The following ZBTB7C variants were observed in gnomAD, a reference collection of about 807,000 sequenced individuals.
ZBTB7C encodes zinc finger and BTB domain containing 7C.
Under a neutral mutation model 25.7 loss-of-function variants are expected in ZBTB7C, and 8 were observed. That is an observed-to-expected ratio of 0.31 (90% CI 0.18 to 0.56). The LOEUF (loss-of-function observed/expected upper bound fraction) is 0.56. ZBTB7C is among the 20% of genes least tolerant of loss of function. ZBTB7C has a pLI of 0.91. For missense variants in ZBTB7C, 824 were observed against 855.2 expected, an observed-to-expected ratio of 0.96 and a Z score of 0.46; for synonymous variants, 394 against 369.0, an observed-to-expected ratio of 1.07 and a Z score of -0.78.
chr18:48,066,956 G>C (rs2037353053), intron 3 of ZBTB7C, among the ~76,000 whole-genome samples: 1 of 152,132 alleles, frequency 6.6e-6, no homozygotes, highest in South Asian at 2.1e-4. Flanking sequence ...ACAAAAATTA[G>C]CCGGGCGTGG....
intron 2 of ZBTB7C, among the ~76,000 whole-genome samples, chr18:48,243,473 T>C (rs1944580): frequency 0.062 from 9,418 of 151,962 alleles, 1,177 homozygotes; most frequent in East Asian, 0.48. Flanking sequence ...ACCAAGGAGA[T>C]GAAAGACCTC....
At chr18:48,309,337 T>A (rs2045756318) in intron 2 of ZBTB7C, among the ~76,000 whole-genome samples, 1 of 152,200 alleles carries the variant, frequency 6.6e-6, no homozygotes, top group African/African-American at 2.4e-5. Context: ...CTCCAGCAAT[T>A]TTCAACAGAA....
chr18:48,172,614 G>A (rs972250441), intron 3 of ZBTB7C, among the ~76,000 whole-genome samples: 5 of 152,354 alleles, frequency 3.3e-5, no homozygotes, highest in Admixed American at 2.6e-4. Flanking sequence ...CTTGACTGAC[G>A]TGACCCACGG....
chr18:48,281,007 C>T (rs2044829871), intron 2 of ZBTB7C, among the ~76,000 whole-genome samples: 1 of 152,030 alleles, frequency 6.6e-6, no homozygotes, highest in African/African-American at 2.4e-5. Context: ...GTGCCTGCCA[C>T]CATGCCCAGC....
In ZBTB7C at chr18:48,341,097, C is replaced by G. The variant is rs576493869; in HGVS notation, c.-303-2699G>C. Among the ~76,000 whole-genome samples, 3 of 152,344 alleles carry G rather than the reference C, an allele frequency of 2.0e-5. No individual in the cohort carries two copies. In the South Asian group the frequency reaches 6.2e-4, roughly 32 times the overall value. On this transcript the variant is annotated intron_variant, in intron 1 of 4. Coordinates refer to ENST00000590800, the MANE Select transcript of ZBTB7C (RefSeq NM_001318841.2). ...ATTTTCAGTTCCTTTGGAGCTGGAA[C>G]TGAGTTTCTGTTTGTTTCCTCATTC...
At chr18:48,098,972 G>A (rs1438607533) in intron 3 of ZBTB7C, among the ~76,000 whole-genome samples, 2 of 152,220 alleles carry the variant, frequency 1.3e-5, no homozygotes, top group African/African-American at 4.8e-5. Flanking sequence ...AGTTTGCTGA[G>A]CGGAGGCAGT....
At chr18:48,285,633 T>C (rs755556510) in intron 2 of ZBTB7C, among the ~76,000 whole-genome samples, 41 of 152,336 alleles carry the variant, frequency 2.7e-4, no homozygotes, top group Non-Finnish European at 4.6e-4. Context: ...ATTACAGGCA[T>C]GAGCCATTAT....
At chr18:48,279,517 A>G (rs2044768167) in intron 2 of ZBTB7C, among the ~76,000 whole-genome samples, 1 of 152,234 alleles carries the variant, frequency 6.6e-6, no homozygotes, top group Non-Finnish European at 1.5e-5. Flanking sequence ...CCACCCAAAC[A>G]AAATGAACAC....
intron 2 of ZBTB7C, among the ~76,000 whole-genome samples, chr18:48,290,737 T>C (rs2045202256): frequency 6.6e-6 from 1 of 152,180 alleles, no homozygotes; most frequent in Non-Finnish European, 1.5e-5. Context: ...TTGGGAAGAT[T>C]TGGCTGCCCA....
intron 1 of ZBTB7C, among the ~76,000 whole-genome samples, chr18:48,367,202 T>TATATATATATATATACACACACAC (rs1302394192): frequency 4.7e-5 from 3 of 63,396 alleles, no homozygotes; most frequent in African/African-American, 1.8e-4. Flanking sequence ...TATATATATA[T>TATATATATATATATACACACACAC]ACACACACAC....
At chr18:48,139,114 G>A (rs1188985455) in intron 3 of ZBTB7C, among the ~76,000 whole-genome samples, 1 of 151,966 alleles carries the variant, frequency 6.6e-6, no homozygotes, top group African/African-American at 2.4e-5. Context: ...AGGAGGAGTG[G>A]GGCTGGGCAG....
At chr18:48,156,149 T>C (rs1486028323) in intron 3 of ZBTB7C, among the ~76,000 whole-genome samples, 1 of 151,988 alleles carries the variant, frequency 6.6e-6, no homozygotes, top group Non-Finnish European at 1.5e-5. Context: ...AAGGTAAACA[T>C]ACATAAAAAA....
chr18:48,302,589 T>C (rs1409515227), intron 2 of ZBTB7C, among the ~76,000 whole-genome samples: 3 of 152,340 alleles, frequency 2.0e-5, no homozygotes, highest in South Asian at 2.1e-4. Flanking sequence ...GCATGTTCAA[T>C]AGAGAGCTAG....
chr18:48,040,297 G>A lies in ZBTB7C; in HGVS notation c.811C>T (p.Pro271Ser), dbSNP rs2036166426. ...PGDFGAFAQL[P>S]EQPMDSGPLD... is the part of the protein sequence containing the mutation. ...GGCCCACTGTCCATGGGCTGCTCAG[G>A]CAGCTGGGCAAAGGCACCGAAGTCC... is the stretch of plus-strand genomic sequence containing the variant. The change falls in exon 4 of 5, where the codon CCT becomes TCT. Residue 271 changes from proline (P) to serine (S), a missense_variant. Transcript: ENST00000590800. The A allele has an allele frequency of 6.3e-6, 10 of 1,575,612 alleles. No homozygotes were observed. The highest frequency in any genetic ancestry group is 1.4e-5 in the African/African-American group (1 of 74,018).
chr18:48,063,074 T>TGG (rs2037184471), intron 3 of ZBTB7C, among the ~76,000 whole-genome samples: 1 of 152,202 alleles, frequency 6.6e-6, no homozygotes, highest in South Asian at 2.1e-4. Context: ...TTACCCTCCC[T>TGG]CCTTCCCACC....
At chr18:48,298,696 G>C (rs1598813814) in intron 2 of ZBTB7C, among the ~76,000 whole-genome samples, 1 of 152,188 alleles carries the variant, frequency 6.6e-6, no homozygotes, top group Non-Finnish European at 1.5e-5. Context: ...CCAGCAGGCT[G>C]ACCCACCGGA....
At chr18:48,324,359 A>T (rs7245181) in intron 2 of ZBTB7C, among the ~76,000 whole-genome samples, 53,124 of 151,930 alleles carry the variant, frequency 0.35, 10,064 homozygotes, top group East Asian at 0.73. Context: ...GAGTACTATG[A>T]GCTGAGCCAG....
chr18:48,263,233 C>T (rs777268193), intron 2 of ZBTB7C, among the ~76,000 whole-genome samples: 7 of 152,238 alleles, frequency 4.6e-5, no homozygotes, highest in Non-Finnish European at 8.8e-5. Context: ...CCATCCCCCA[C>T]ACTCTGACTG....
At chr18:48,264,657 G>A (rs1367431815) in intron 2 of ZBTB7C, among the ~76,000 whole-genome samples, 1 of 151,578 alleles carries the variant, frequency 6.6e-6, no homozygotes, top group Non-Finnish European at 1.5e-5. Flanking sequence ...CATGGCAACA[G>A]CCTCCTTGAC....
Sources: gnomAD v4.1 joint callset for allele counts (sites outside exome capture counted in the v4.1 genomes callset) on GRCh38, gnomAD v4.1.1 for gene constraint, MANE v1.5 for transcripts, NCBI Gene and HGNC (gene_info 2026-07-23, HGNC 2026-07-21) for gene names.